Variants in CDH9 observed in about 807,000 individuals in gnomAD.
CDH9 encodes cadherin 9, also known as cadherin-9.
A neutral mutation model predicts 70.9 loss-of-function variants in CDH9; 28 were observed. That is an observed-to-expected ratio of 0.40 (90% CI 0.29 to 0.54). The LOEUF is 0.54. CDH9 is among the 20% of genes least tolerant of loss of function. CDH9 has a pLI of 0.59. For synonymous variants in CDH9, 409 were observed against 343.1 expected (o/e 1.19, Z -2.12); for missense variants, 874 against 984.4 (o/e 0.89, Z 1.50).
At chr5:27,033,955 C>T (rs1395747330) in intron 1 of CDH9, among the ~76,000 whole-genome samples, 1 of 151,486 alleles carries the variant, frequency 6.6e-6, no homozygotes, top group Non-Finnish European at 1.5e-5. Context: ...TATTTGTTGT[C>T]TCCCCTGTTA....
chr5:26,916,844 A>T (rs1741158303), intron 2 of CDH9, among the ~76,000 whole-genome samples: 1 of 151,968 alleles, frequency 6.6e-6, no homozygotes, highest in African/African-American at 2.4e-5. Flanking sequence ...ATTTTTAGAA[A>T]ATGTTTTATT....
rs34472789 is a variant in CDH9 at position 26,973,443 on chromosome 5, AT to A, written c.228+14662del. On this transcript the variant is annotated intron_variant, in intron 2 of 11. Coordinates refer to ENST00000231021, the MANE Select transcript of CDH9 (RefSeq NM_016279.4). ...CTTTTTAGTATCTATTTTATTTTGT[AT>A]TTTTTTTTTTACAAAAGATGTTCCT... is the stretch of plus-strand genomic sequence containing the variant. 8.4e-4 allele frequency among the ~76,000 whole-genome samples: 124 copies of A among 147,690 alleles called. 1 individual carries two copies. The highest frequency in any genetic ancestry group is 1.6e-3 in the Admixed American group (24 of 14,728).
intron 1 of CDH9, among the ~76,000 whole-genome samples, chr5:26,996,310 T>C (rs1742664171): frequency 1.3e-5 from 2 of 152,030 alleles, no homozygotes; most frequent in African/African-American, 4.8e-5. Context: ...AACAAAACTG[T>C]GTGATACGGT....
intron 2 of CDH9, among the ~76,000 whole-genome samples, chr5:26,923,978 A>T (rs1279500641): frequency 2.0e-5 from 3 of 152,052 alleles, no homozygotes; most frequent in Admixed American, 1.3e-4. Context: ...CTAATAATAC[A>T]TCATAAGACA....
At chr5:26,885,480 A>G in intron 11 of CDH9, 134 bp downstream of exon 11, 1 of 805,126 alleles carries the variant, frequency 1.2e-6, no homozygotes, top group Non-Finnish European at 1.9e-6. Context: ...TCCTAATTGA[A>G]AGAAGAATTT....
intron 7 of CDH9, among the ~76,000 whole-genome samples, chr5:26,899,364 T>G (rs1373299368): frequency 6.6e-6 from 1 of 152,156 alleles, no homozygotes; most frequent in Non-Finnish European, 1.5e-5. Flanking sequence ...TAAAGACACA[T>G]GCACACTTAT....
intron 2 of CDH9, among the ~76,000 whole-genome samples, chr5:26,930,879 A>T (rs960139399): frequency 5.9e-5 from 9 of 152,064 alleles, no homozygotes; most frequent in African/African-American, 1.9e-4. Flanking sequence ...CCATAAATGT[A>T]TTTCTTTGTT....
At chr5:26,946,959 G>A (rs1025958125) in intron 2 of CDH9, among the ~76,000 whole-genome samples, 4 of 152,294 alleles carry the variant, frequency 2.6e-5, no homozygotes, top group South Asian at 2.1e-4. Flanking sequence ...GATGGTGTCA[G>A]GGATGAACGC....
At chr5:26,953,004 G>T (rs545895318) in intron 2 of CDH9, among the ~76,000 whole-genome samples, 109 of 151,984 alleles carry the variant, frequency 7.2e-4, no homozygotes, top group African/African-American at 2.6e-3. Context: ...TAATTAGGGA[G>T]GATGTTATAT....
intron 1 of CDH9, among the ~76,000 whole-genome samples, chr5:26,992,966 C>T (rs1742602102): frequency 6.6e-6 from 1 of 151,974 alleles, no homozygotes; most frequent in Non-Finnish European, 1.5e-5. Context: ...TGTAGTGGCG[C>T]ATGCCTGTAA....
chr5:27,000,463 A>G (rs1035891155), intron 1 of CDH9, among the ~76,000 whole-genome samples: 1 of 152,132 alleles, frequency 6.6e-6, no homozygotes, highest in Non-Finnish European at 1.5e-5. Context: ...AAGATTCTAC[A>G]CACCCATACA....
intron 1 of CDH9, among the ~76,000 whole-genome samples, chr5:27,003,789 C>A (rs779454242): frequency 6.6e-6 from 1 of 151,720 alleles, no homozygotes; most frequent in Non-Finnish European, 1.5e-5. Context: ...AATGTGGTAT[C>A]CTGGATGGAA....
At chr5:27,036,261 C>T (rs1422792615) in intron 1 of CDH9, among the ~76,000 whole-genome samples, 1 of 151,804 alleles carries the variant, frequency 6.6e-6, no homozygotes, top group East Asian at 1.9e-4. Flanking sequence ...ACTGCATTGG[C>T]TAAGCTTGGC....
intron 1 of CDH9, among the ~76,000 whole-genome samples, chr5:27,004,719 A>G (rs1433535678): frequency 6.6e-6 from 1 of 152,136 alleles, no homozygotes; most frequent in African/African-American, 2.4e-5. Flanking sequence ...TAGAAAGTCA[A>G]GGTTTTGATT....
In CDH9 at chr5:26,910,017, A is replaced by G. The variant is rs545466476; in HGVS notation, c.524-3179T>C. ...ACCAAGTTATGCCAGTTGGTCTTACATATATATTTACACATCATATTAGAG... is the reference window on the plus strand; with the variant it reads ...ACCAAGTTATGCCAGTTGGTCTTACGTATATATTTACACATCATATTAGAG... On this transcript the variant is annotated intron_variant, in intron 3 of 11. Coordinates refer to ENST00000231021, the MANE Select transcript of CDH9 (RefSeq NM_016279.4). 5.3e-5 allele frequency among the ~76,000 whole-genome samples: 8 copies of G among 152,152 alleles called. No individual in the cohort carries two copies. In the South Asian group the frequency reaches 1.7e-3, roughly 31 times the overall value.
chr5:27,021,478 C>G (rs1238737155), intron 1 of CDH9, among the ~76,000 whole-genome samples: 2 of 151,518 alleles, frequency 1.3e-5, no homozygotes, highest in African/African-American at 4.8e-5. Context: ...CCTCATATAA[C>G]TTCCATCACA....
rs35950930 is a variant in CDH9, at chr5:26,974,814, T to TTGTGTG, written c.228+13286_228+13291dup. Among the ~76,000 whole-genome samples, 33 of 150,162 alleles carry TTGTGTG rather than the reference T, an allele frequency of 2.2e-4. No homozygotes were observed. The East Asian group carries it at 4.5e-3, about 21-fold the overall frequency. ...TCCATCACCTCATATAGTTACCCTT[T>TTGTGTG]TGTGTGTGTGTGTGTGTGCGTGTGT... On this transcript the variant is annotated intron_variant, in intron 2 of 11. Transcript: ENST00000231021.
chr5:26,969,812 T>G (rs1237541261), intron 2 of CDH9, among the ~76,000 whole-genome samples: 1 of 151,442 alleles, frequency 6.6e-6, no homozygotes, highest in African/African-American at 2.4e-5. Context: ...TATTGAAAAT[T>G]GTCATCAAAG....
intron 1 of CDH9, among the ~76,000 whole-genome samples, chr5:27,028,058 G>C (rs929889317): frequency 1.1e-4 from 17 of 151,998 alleles, no homozygotes; most frequent in African/African-American, 3.9e-4. Flanking sequence ...TGACATTATA[G>C]GGCAGTAGCC....
Sources: gnomAD v4.1 joint callset for allele counts (sites outside exome capture counted in the v4.1 genomes callset) on GRCh38, gnomAD v4.1.1 for gene constraint, MANE v1.5 for transcripts, NCBI Gene and HGNC (gene_info 2026-07-23, HGNC 2026-07-21) for gene names.